SLC22A2: variants seen among roughly 807,000 people sequenced by gnomAD.
The protein encoded by SLC22A2 is solute carrier family 22 member 2.
A neutral mutation model predicts 60.5 loss-of-function variants in SLC22A2; 46 were observed. That is an observed-to-expected ratio of 0.76 (90% CI 0.60 to 0.97). The LOEUF is 0.97. SLC22A2 is among the 50% of genes least tolerant of loss of function. SLC22A2 has a pLI of 0.00. For synonymous variants in SLC22A2, 303 were observed against 267.0 expected, an observed-to-expected ratio of 1.13 and a Z score of -1.31; for missense variants, 701 against 706.6, an observed-to-expected ratio of 0.99 and a Z score of 0.09.
intron 7 of SLC22A2, among the ~76,000 whole-genome samples, chr6:160,242,604 C>CT: frequency 9.3e-6 from 1 of 107,168 alleles, no homozygotes; most frequent in Non-Finnish European, 2.1e-5. Context: ...CTAATTCTCT[C>CT]TTTTTTAAAA....
At chr6:160,237,827 A>G (rs1318529580) in intron 9 of SLC22A2, among the ~76,000 whole-genome samples, 3 of 152,184 alleles carry the variant, frequency 2.0e-5, no homozygotes, top group East Asian at 1.9e-4. Context: ...TTGCTGATCA[A>G]ACAGGCTGCA....
At chr6:160,244,687 A>T (rs1398588815) in intron 6 of SLC22A2, 1 of 152,226 alleles carries the variant, frequency 6.6e-6, no homozygotes, top group East Asian at 1.9e-4. Context: ...AATGAGGCCA[A>T]ATTTCAAAGC....
In SLC22A2 at chr6:160,217,323, G is replaced by A; in HGVS notation, c.*109C>T. 1.5e-6 allele frequency: 1 copy of A among 661,326 alleles called. No homozygotes were observed. The allele number at this position is 661,326 out of a possible 1,614,324, so 41.0% of individuals were successfully genotyped here. On this transcript the variant is annotated 3_prime_UTR_variant, in exon 11 of 11. Transcript: ENST00000366953. ...TGTAGACCTAGGTTGATAGGGCTCA[G>A]GGGTAAGTTTGGTTGAGTTGTATGG...
chr6:160,223,085 A>T (rs1033614962), intron 10 of SLC22A2, among the ~76,000 whole-genome samples: 1 of 152,212 alleles, frequency 6.6e-6, no homozygotes, highest in Non-Finnish European at 1.5e-5. Flanking sequence ...GTTAAACATG[A>T]AGGTTTGGTA....
At chr6:160,233,187 T>C (rs1055530695) in intron 9 of SLC22A2, among the ~76,000 whole-genome samples, 1 of 151,976 alleles carries the variant, frequency 6.6e-6, no homozygotes, top group African/African-American at 2.4e-5. Context: ...GAAACTAAAA[T>C]ACCTCTTGGT....
intron 9 of SLC22A2, among the ~76,000 whole-genome samples, chr6:160,230,115 C>T (rs1354615843): frequency 6.6e-6 from 1 of 151,776 alleles, no homozygotes; most frequent in Non-Finnish European, 1.5e-5. Context: ...CTCATCTGAC[C>T]TGTCCCCTCC....
chr6:160,233,528 C>T (rs1424771806), intron 9 of SLC22A2, among the ~76,000 whole-genome samples: 3 of 151,864 alleles, frequency 2.0e-5, no homozygotes, highest in Admixed American at 2.0e-4. Context: ...AAAAACTCAC[C>T]AACCAAACAA....
chr6:160,240,900 T>C (rs1782987251), intron 9 of SLC22A2, among the ~76,000 whole-genome samples: 1 of 152,224 alleles, frequency 6.6e-6, no homozygotes, highest in Admixed American at 6.5e-5. Flanking sequence ...AGGGAAGTGC[T>C]ATGTGACGCT....
intron 4 of SLC22A2, among the ~76,000 whole-genome samples, chr6:160,247,974 A>T (rs1055741832): frequency 6.6e-5 from 10 of 152,084 alleles, no homozygotes; most frequent in Non-Finnish European, 1.2e-4. Flanking sequence ...TGGGATCATC[A>T]CTCTGGGAGC....
chr6:160,249,369 CCAA>C lies in SLC22A2; in HGVS notation c.686_688del (p.Val229del). ...CCCCACTGTTCTCCGATATCTCCGC[CCAA>C]CAAATTCTGTAACTGCAGAGAGAAT... On this transcript the variant is annotated inframe_deletion, in exon 4 of 11. Coordinates refer to ENST00000366953, the MANE Select transcript of SLC22A2 (RefSeq NM_003058.4). The C allele has an allele frequency of 6.2e-7, 1 of 1,613,208 alleles. No homozygotes were observed. Among genetic ancestry groups the C allele is most frequent in the Non-Finnish European group, 8.5e-7 (1 of 1,179,638 alleles).
Position 160,224,812 on chromosome 6 carries a change from C to T in SLC22A2, c.1502-8G>A, listed in dbSNP as rs1322990614. 6.6e-7 allele frequency: 1 copy of T among 1,513,136 alleles called. No individual in the cohort carries two copies. The highest frequency in any genetic ancestry group is 9.0e-7 in the Non-Finnish European group (1 of 1,107,120). 93.7% of individuals were successfully genotyped at this position (1,513,136 alleles called of 1,614,324 possible). A position where few individuals can be genotyped will look rare whatever the true frequency, so the allele number is the denominator to read the frequency against. Reference sequence around the variant, plus strand: ...CAACCAAGCCAAGCACGCCTGAAAGCCAAACAGATGAATATCACATTAAGA... The same window carrying T: ...CAACCAAGCCAAGCACGCCTGAAAGTCAAACAGATGAATATCACATTAAGA... On this transcript the variant is annotated splice_polypyrimidine_tract_variant and splice_region_variant and intron_variant, in intron 9 of 10. Transcript: ENST00000366953.
chr6:160,250,337 A>G (rs1783161911), intron 3 of SLC22A2, among the ~76,000 whole-genome samples: 1 of 152,140 alleles, frequency 6.6e-6, no homozygotes, highest in Non-Finnish European at 1.5e-5. Flanking sequence ...CATTATGTTT[A>G]CCCTTGTTTC....
At chr6:160,252,713 GA>G (rs1458970115) in intron 2 of SLC22A2, among the ~76,000 whole-genome samples, 1 of 152,180 alleles carries the variant, frequency 6.6e-6, no homozygotes, top group Non-Finnish European at 1.5e-5. Flanking sequence ...TAGAAATACA[GA>G]ATTTTGGGCC....
At chr6:160,233,963 C>T (rs1782869472) in intron 9 of SLC22A2, among the ~76,000 whole-genome samples, 1 of 152,074 alleles carries the variant, frequency 6.6e-6, no homozygotes, top group South Asian at 2.1e-4. Flanking sequence ...CATCATATCC[C>T]CTGTGACCTG....
intron 9 of SLC22A2, among the ~76,000 whole-genome samples, chr6:160,235,830 A>G (rs1488821224): frequency 6.6e-6 from 1 of 152,098 alleles, no homozygotes; most frequent in African/African-American, 2.4e-5. Flanking sequence ...TGTAAAAGTG[A>G]AATTTGACTT....
At chr6:160,246,001 G>A (rs949447273) in intron 5 of SLC22A2, among the ~76,000 whole-genome samples, 2 of 151,696 alleles carry the variant, frequency 1.3e-5, no homozygotes, top group Admixed American at 6.6e-5. Flanking sequence ...CTGAGTAGCT[G>A]GGATTACAGG....
Position 160,245,392 on chromosome 6 carries a change from T to G in SLC22A2, c.1064+47A>C. 2.8e-6 allele frequency: 3 copies of G among 1,080,524 alleles called. No homozygotes were observed. The South Asian group carries it at 4.3e-5, about 15-fold the overall frequency. 66.9% of individuals were successfully genotyped at this position (1,080,524 alleles called of 1,614,324 possible). A position where few individuals can be genotyped will look rare whatever the true frequency, so the allele number is the denominator to read the frequency against. ...TTCCCTTCCTTACTATGGATGACTGTGATTAAAACAATTTGGAGGCATTTC... is the reference window on the plus strand; with the variant it reads ...TTCCCTTCCTTACTATGGATGACTGGGATTAAAACAATTTGGAGGCATTTC... On this transcript the variant is annotated intron_variant, in intron 6 of 10. Coordinates refer to ENST00000366953, the MANE Select transcript of SLC22A2 (RefSeq NM_003058.4).
chr6:160,258,236 A>G (rs1783308163), intron 1 of SLC22A2, 108 bp downstream of exon 1: 2 of 1,274,560 alleles, frequency 1.6e-6, no homozygotes, highest in Admixed American at 4.6e-5. Flanking sequence ...ATGCAGGCCA[A>G]AGAGATGTCC....
chr6:160,257,504 A>G (rs993058359), intron 1 of SLC22A2, among the ~76,000 whole-genome samples: 5 of 152,132 alleles, frequency 3.3e-5, no homozygotes, highest in African/African-American at 1.2e-4. Context: ...GAGATTGGCC[A>G]TGTGAGAGAG....
Sources: allele counts gnomAD v4.1 joint callset (sites outside exome capture counted in the v4.1 genomes callset), GRCh38; gene constraint gnomAD v4.1.1; transcripts MANE v1.5; gene names NCBI Gene and HGNC (gene_info 2026-07-23, HGNC 2026-07-21).